Variants in ARHGEF33 observed in about 807,000 individuals in gnomAD.
The protein encoded by ARHGEF33 is DH and coiled-coil domain-containing protein ENSP00000381780.
Under a neutral mutation model 101.9 loss-of-function variants are expected in ARHGEF33, and 72 were observed. The observed-to-expected ratio is 0.71, with a 90% CI of 0.58 to 0.86. ARHGEF33 has a LOEUF of 0.86. Ranked by LOEUF, ARHGEF33 falls within the 40% of genes least tolerant of loss-of-function variation. The pLI is 0.00. For missense variants in ARHGEF33, 1,169 were observed against 1,111.3 expected (o/e 1.05, Z -0.74); for synonymous variants, 499 against 442.5 (o/e 1.13, Z -1.60).
chr2:38,912,107 C>G (rs866067235), intron 2 of ARHGEF33, among the ~76,000 whole-genome samples: 8 of 152,206 alleles, frequency 5.3e-5, no homozygotes, highest in African/African-American at 1.2e-4. Context: ...CACCAACAGG[C>G]TCACTTAACA....
chr2:38,929,123 C>G, intron 5 of ARHGEF33, 52 bp downstream of exon 5: 2 of 1,429,150 alleles, frequency 1.4e-6, no homozygotes, highest in Non-Finnish European at 1.9e-6. Context: ...GTCTCAGTAA[C>G]AGCAATAGAA....
chr2:38,962,805 G>C (rs1019561515), intron 16 of ARHGEF33, among the ~76,000 whole-genome samples: 16 of 128,382 alleles, frequency 1.2e-4, no homozygotes, highest in Non-Finnish European at 1.7e-4. Flanking sequence ...ATGAGGTCAG[G>C]AGATCAAGAC....
In ARHGEF33 at chr2:38,954,440, A is replaced by G. The variant is rs1479118499; in HGVS notation, c.1205A>G (p.Tyr402Cys). 6.5e-7 allele frequency: 1 copy of G among 1,549,548 alleles called. No individual in the cohort carries two copies. Among genetic ancestry groups the G allele is most frequent in the Admixed American group, 2.0e-5 (1 of 51,002 alleles). ...CACATAGTCCAGCGCATCCCTGAAT[A>G]TCTGATACATCTGCAGGTAGGCATG... Reference protein sequence around the residue: ...FFHIVQRIPEYLIHLQNVLKF... With the variant: ...FFHIVQRIPECLIHLQNVLKF... The change falls in exon 13 of 18, where the codon TAT (tyrosine) becomes TGT (cysteine). Residue 402 changes from tyrosine to cysteine, a missense_variant. Tyr to Cys is a radical substitution (Grantham distance 194, BLOSUM62 -2). Coordinates refer to ENST00000409978, the MANE Select transcript of ARHGEF33 (RefSeq NM_001145451.5).
chr2:38,948,828 G>T (rs950562479), intron 10 of ARHGEF33, among the ~76,000 whole-genome samples: 2 of 152,132 alleles, frequency 1.3e-5, no homozygotes, highest in African/African-American at 4.8e-5. Context: ...ACAATCAGTT[G>T]TGTTTTTCTC....
At chr2:38,914,244 C>A (rs146277198) in intron 2 of ARHGEF33, among the ~76,000 whole-genome samples, 128 of 152,264 alleles carry the variant, frequency 8.4e-4, no homozygotes, top group South Asian at 2.7e-3. Context: ...ATGTAAGGCT[C>A]TATGTACCAA....
At chr2:38,894,116 C>G (rs1035424385) in intron 1 of ARHGEF33, among the ~76,000 whole-genome samples, 1 of 152,042 alleles carries the variant, frequency 6.6e-6, no homozygotes, top group Non-Finnish European at 1.5e-5. Context: ...CCCAGGAATT[C>G]GAGACCAGCT....
chr2:38,960,032 C>A lies in ARHGEF33; in HGVS notation c.1727C>A (p.Pro576Gln). 1 of 1,545,816 alleles carries A rather than the reference C, an allele frequency of 6.5e-7. No homozygotes were observed. Among genetic ancestry groups the A allele is most frequent in the Non-Finnish European group, 8.7e-7 (1 of 1,143,878 alleles). The change falls in exon 16 of 18, where the codon CCG (proline) becomes CAG (glutamine). Residue 576 changes from proline (P) to glutamine (Q), a missense_variant. Pro to Gln is a moderately conservative substitution (Grantham distance 76, BLOSUM62 -1). Transcript: ENST00000409978. ...CTGGCCGGGCCCCTGCAGGCCATCC[C>A]GGAGATGGACTTCGAGTCCTCTCCG... ...KALAGPLQAIPEMDFESSPAE... is the reference protein window; with the variant it reads ...KALAGPLQAIQEMDFESSPAE...
At chr2:38,943,877 G>C in intron 9 of ARHGEF33, 24 bp from the exon 10 acceptor site, 1 of 1,548,464 alleles carries the variant, frequency 6.5e-7, no homozygotes, top group African/African-American at 1.4e-5. Context: ...TTAATATCAA[G>C]TCCTCTTTGG....
At chr2:38,916,066 T>C (rs1363076579) in intron 2 of ARHGEF33, among the ~76,000 whole-genome samples, 1 of 152,202 alleles carries the variant, frequency 6.6e-6, no homozygotes, top group Non-Finnish European at 1.5e-5. Context: ...TTGAAATAAG[T>C]TGTCATATGT....
intron 4 of ARHGEF33, among the ~76,000 whole-genome samples, chr2:38,927,656 A>G (rs527634952): frequency 3.2e-4 from 49 of 152,332 alleles, no homozygotes; most frequent in Non-Finnish European, 6.5e-4. Flanking sequence ...AGATCATGCC[A>G]CTGCACTCCA....
In ARHGEF33 at chr2:38,960,129, C is replaced by T; in HGVS notation, c.1824C>T (p.Phe608=). The part of the protein sequence containing the change: ...PAELLPDARG[F]VPAAYEEFEY... The stretch of plus-strand genomic sequence containing the variant: ...AGCTCCTGCCCGATGCCCGCGGCTT[C>T]GTGCCCGCGGCCTACGAAGAGTTCG... The change falls in exon 16 of 18, where the codon TTC becomes TTT. Residue 608 remains phenylalanine, a synonymous_variant. Coordinates refer to ENST00000409978, the MANE Select transcript of ARHGEF33 (RefSeq NM_001145451.5). 1 of 1,542,340 alleles carries T rather than the reference C, an allele frequency of 6.5e-7. No individual in the cohort carries two copies. Among genetic ancestry groups the T allele is most frequent in the Non-Finnish European group, 8.7e-7 (1 of 1,145,412 alleles).
Position 38,931,209 on chromosome 2 carries a change from G to C in ARHGEF33, c.463G>C (p.Glu155Gln). 3.2e-6 allele frequency: 5 copies of C among 1,551,430 alleles called. No individual in the cohort carries two copies. The highest frequency in any genetic ancestry group is 4.4e-6 in the Non-Finnish European group (5 of 1,146,870). Residue 155 changes from glutamate (E) to glutamine (Q), a missense_variant, in exon 7 of 18, where the codon GAA becomes CAA. Glu to Gln is a conservative substitution (Grantham distance 29, BLOSUM62 2). Coordinates refer to ENST00000409978, the MANE Select transcript of ARHGEF33 (RefSeq NM_001145451.5). ...TATCCCTGAGCCTGTTCTTCCAAGC[G>C]AAGACTTTACCAACCTTTTGCCTTC... ...INIPEPVLPS[E>Q]DFTNLLPSQA...
At chr2:38,914,144 T>G (rs1209014224) in intron 2 of ARHGEF33, among the ~76,000 whole-genome samples, 4 of 152,224 alleles carry the variant, frequency 2.6e-5, no homozygotes, top group Non-Finnish European at 5.9e-5. Context: ...AGGCAATGAA[T>G]ATTCCTGGGG....
intron 4 of ARHGEF33, 109 bp downstream of exon 4, chr2:38,921,532 T>G: frequency 1.3e-6 from 1 of 761,760 alleles, no homozygotes; most frequent in Non-Finnish European, 2.3e-6. Context: ...CATATATCGT[T>G]GCACTTGTTC....
intron 1 of ARHGEF33, among the ~76,000 whole-genome samples, chr2:38,895,258 G>A (rs1390944096): frequency 6.6e-6 from 1 of 152,196 alleles, no homozygotes; most frequent in Non-Finnish European, 1.5e-5. Context: ...ATAAATCACA[G>A]AATGTTTTCT....
At chr2:38,946,048 T>C (rs961651007) in intron 10 of ARHGEF33, among the ~76,000 whole-genome samples, 19 of 152,216 alleles carry the variant, frequency 1.2e-4, no homozygotes, top group African/African-American at 4.6e-4. Context: ...AGTTGTCTCT[T>C]CCTATTTCAA....
chr2:38,961,821 A>G lies in ARHGEF33; in HGVS notation c.2343+1173A>G, dbSNP rs180905906. ...TCATGGTGGTCAGAGAAGGCCTCCTAGATAAGTTGAATGTCCGAATTAGAT... is the reference window on the plus strand; with the variant it reads ...TCATGGTGGTCAGAGAAGGCCTCCTGGATAAGTTGAATGTCCGAATTAGAT... On this transcript the variant is annotated intron_variant, in intron 16 of 17. Coordinates refer to ENST00000409978, the MANE Select transcript of ARHGEF33 (RefSeq NM_001145451.5). 2.0e-3 allele frequency among the ~76,000 whole-genome samples: 304 copies of G among 152,036 alleles called. 1 individual carries two copies. Among genetic ancestry groups the G allele is most frequent in the Non-Finnish European group, 3.7e-3 (251 of 67,970 alleles).
At position 38,937,358 on chromosome 2, in the gene ARHGEF33, G is replaced by A. The variant is rs1412179118; in HGVS notation, c.589G>A (p.Ala197Thr). The stretch of plus-strand genomic sequence containing the variant: ...AGGAGTGAACCCAACAACTCCAGAA[G>A]CAGAAGAAAACCTCAAGTCTTGCCT... ...GPGVNPTTPE[A>T]EENLKSCLSA... Residue 197 changes from alanine (A) to threonine (T), a missense_variant, in exon 9 of 18, where the codon GCA becomes ACA. Physicochemically the swap from Ala to Thr is moderately conservative, Grantham distance 58. Coordinates refer to ENST00000409978, the MANE Select transcript of ARHGEF33 (RefSeq NM_001145451.5). The A allele has an allele frequency of 6.6e-7, 1 of 1,505,790 alleles. No homozygotes were observed. The highest frequency in any genetic ancestry group is 1.2e-5 in the South Asian group (1 of 82,532). 93.3% of individuals were successfully genotyped at this position (1,505,790 alleles called of 1,614,324 possible).
chr2:38,950,390 G>T (rs959008243), intron 10 of ARHGEF33, among the ~76,000 whole-genome samples: 2 of 152,160 alleles, frequency 1.3e-5, no homozygotes, highest in Non-Finnish European at 2.9e-5. Flanking sequence ...TCCACTGCGT[G>T]TCATTTAAAT....
Sources: allele counts gnomAD v4.1 joint callset (sites outside exome capture counted in the v4.1 genomes callset), GRCh38; gene constraint gnomAD v4.1.1; transcripts MANE v1.5; gene names NCBI Gene and HGNC (gene_info 2026-07-23, HGNC 2026-07-21).